GRIA1: variants seen among roughly 807,000 people sequenced by gnomAD.
GRIA1 encodes the protein glutamate receptor 1.
A neutral mutation model predicts 99.2 loss-of-function variants in GRIA1; 31 were observed. The observed-to-expected ratio is 0.31, with a 90% CI of 0.23 to 0.42. The LOEUF (loss-of-function observed/expected upper bound fraction) is 0.42, where lower values mean the gene tolerates loss of function less well. Ranked by LOEUF, GRIA1 falls within the 10% of genes least tolerant of loss-of-function variation. The pLI, the probability that GRIA1 is intolerant of heterozygous loss-of-function variation, is 1.00. For synonymous variants in GRIA1, 438 were observed against 432.4 expected (o/e 1.01, Z -0.16); for missense variants, 782 against 1,157.5 (o/e 0.68, Z 4.71).
chr5:153,607,786 A>G (rs947118501), intron 2 of GRIA1, among the ~76,000 whole-genome samples: 1 of 152,106 alleles, frequency 6.6e-6, no homozygotes, highest in African/African-American at 2.4e-5. Context: ...ACAGTCGACA[A>G]TATGGTATTA....
Position 153,699,124 on chromosome 5 carries a change from C to A in GRIA1, c.1452+51C>A, listed in dbSNP as rs1463285726. Reference sequence around the variant, plus strand: ...TAGAGGGCGGAGGCAGAGGGTTTGACAGGAAATCATTTGGTGGTTGGGTGG... The same window carrying A: ...TAGAGGGCGGAGGCAGAGGGTTTGAAAGGAAATCATTTGGTGGTTGGGTGG... On this transcript the variant is annotated intron_variant, in intron 10 of 15. Coordinates refer to ENST00000285900, the MANE Select transcript of GRIA1 (RefSeq NM_000827.4). The A allele has an allele frequency of 1.0e-5, 14 of 1,333,376 alleles. No homozygotes were observed. In the Admixed American group the frequency reaches 2.3e-4, roughly 22 times the overall value. 82.6% of individuals were successfully genotyped at this position (1,333,376 alleles called of 1,614,324 possible).
At chr5:153,678,082 A>G (rs1463883996) in intron 7 of GRIA1, among the ~76,000 whole-genome samples, 2 of 152,232 alleles carry the variant, frequency 1.3e-5, no homozygotes, top group African/African-American at 2.4e-5. Flanking sequence ...TATTTGGCAC[A>G]AATGTCCCTC....
At chr5:153,736,271 G>A (rs960984765) in intron 11 of GRIA1, among the ~76,000 whole-genome samples, 1 of 152,198 alleles carries the variant, frequency 6.6e-6, no homozygotes, top group Non-Finnish European at 1.5e-5. Flanking sequence ...AAGGAGTTAC[G>A]TAATTCTTTC....
chr5:153,528,252 C>A (rs1757788710), intron 2 of GRIA1, among the ~76,000 whole-genome samples: 1 of 152,004 alleles, frequency 6.6e-6, no homozygotes, highest in East Asian at 1.9e-4. Flanking sequence ...TTTAAATTTT[C>A]TTTTTATTAT....
chr5:153,650,342 T>C lies in GRIA1; in HGVS notation c.473T>C (p.Leu158Pro). Residue 158 changes from leucine (L) to proline (P), a missense_variant, in exon 4 of 16, where the codon CTG becomes CCG. By Grantham distance (98) the Leu-to-Pro change is moderately conservative. This residue lies in a region of GRIA1 where 461 missense variants were observed against 521.7 expected (regional missense o/e 0.88). Coordinates refer to ENST00000285900, the MANE Select transcript of GRIA1 (RefSeq NM_000827.4). ...IYDADRGLSVLQKVLDTAAEK... is the reference protein window; with the variant it reads ...IYDADRGLSVPQKVLDTAAEK... ...ATCTGAACTTTAGGCTTATCCGTCC[T>C]GCAGAAAGTCCTGGATACAGCTGCT... 1 of 1,613,794 alleles carries C rather than the reference T, an allele frequency of 6.2e-7. No homozygotes were observed. Among genetic ancestry groups the C allele is most frequent in the Non-Finnish European group, 8.5e-7 (1 of 1,179,810 alleles).
rs1753171110 is a variant in GRIA1 at position 153,634,086 on chromosome 5, G to A, written c.221-12842G>A. On this transcript the variant is annotated intron_variant, in intron 2 of 15. Transcript: ENST00000285900. Reference sequence around the variant, plus strand: ...AATCCCAGCATTTTGGGAGGCCGAGGCGGGTGGATCACAAGGTCAGGACAT... The same window carrying A: ...AATCCCAGCATTTTGGGAGGCCGAGACGGGTGGATCACAAGGTCAGGACAT... 3.3e-5 allele frequency among the ~76,000 whole-genome samples: 5 copies of A among 152,240 alleles called. No individual in the cohort carries two copies. In the South Asian group the frequency reaches 1.0e-3, roughly 32 times the overall value.
intron 2 of GRIA1, among the ~76,000 whole-genome samples, chr5:153,586,972 G>C (rs10515694): frequency 0.016 from 2,494 of 152,222 alleles, 30 homozygotes; most frequent in Middle Eastern, 0.065. Flanking sequence ...CTGATGAAGG[G>C]CTTTTTTAAG....
chr5:153,586,090 A>C (rs1763461769), intron 2 of GRIA1, among the ~76,000 whole-genome samples: 1 of 152,150 alleles, frequency 6.6e-6, no homozygotes, highest in African/African-American at 2.4e-5. Context: ...TTGGGAAGAG[A>C]TATACACAGT....
At chr5:153,690,398 G>A (rs144517970) in intron 8 of GRIA1, among the ~76,000 whole-genome samples, 11 of 152,250 alleles carry the variant, frequency 7.2e-5, no homozygotes, top group African/African-American at 1.9e-4. Flanking sequence ...ACATGACCTT[G>A]AACACATTAT....
At chr5:153,538,596 G>T (rs1239696160) in intron 2 of GRIA1, among the ~76,000 whole-genome samples, 1 of 152,122 alleles carries the variant, frequency 6.6e-6, no homozygotes, top group Non-Finnish European at 1.5e-5. Context: ...ACAGCTAAAT[G>T]CTAGGAATCC....
At chr5:153,503,655 C>G (rs1755217908) in intron 2 of GRIA1, among the ~76,000 whole-genome samples, 1 of 152,160 alleles carries the variant, frequency 6.6e-6, no homozygotes, top group Non-Finnish European at 1.5e-5. Context: ...TATGCTAAGT[C>G]TGAAAGCATT....
intron 5 of GRIA1, among the ~76,000 whole-genome samples, chr5:153,661,104 A>G (rs1311825938): frequency 6.6e-6 from 1 of 152,162 alleles, no homozygotes; most frequent in Non-Finnish European, 1.5e-5. Flanking sequence ...ACTGTTCTTT[A>G]GTCTCCTTGC....
intron 2 of GRIA1, among the ~76,000 whole-genome samples, chr5:153,518,826 G>A (rs1372073371): frequency 6.6e-6 from 1 of 152,140 alleles, no homozygotes; most frequent in Non-Finnish European, 1.5e-5. Context: ...CTGGGCCATG[G>A]GGACAGTTAG....
intron 2 of GRIA1, among the ~76,000 whole-genome samples, chr5:153,621,163 A>G (rs1257365830): frequency 6.6e-6 from 1 of 152,230 alleles, no homozygotes; most frequent in Non-Finnish European, 1.5e-5. Context: ...TTTAGAGAAG[A>G]GGCTAAAGCT....
At chr5:153,624,682 T>C (rs1041395605) in intron 2 of GRIA1, among the ~76,000 whole-genome samples, 5 of 152,176 alleles carry the variant, frequency 3.3e-5, no homozygotes, top group Admixed American at 1.3e-4. Context: ...AAAAAATTGA[T>C]AGTATTCTGT....
chr5:153,732,240 C>T (rs1761086269), intron 11 of GRIA1, among the ~76,000 whole-genome samples: 1 of 149,684 alleles, frequency 6.7e-6, no homozygotes, highest in African/African-American at 2.5e-5. Context: ...GGATATGTAC[C>T]CAGAAGTGGG....
chr5:153,746,827 T>C (rs1288135139), intron 11 of GRIA1, among the ~76,000 whole-genome samples: 2 of 152,170 alleles, frequency 1.3e-5, no homozygotes, highest in Admixed American at 1.3e-4. Flanking sequence ...TTGCCAAATA[T>C]TCTTTTGTGT....
At chr5:153,759,998 C>A (rs928834324) in intron 11 of GRIA1, among the ~76,000 whole-genome samples, 2 of 151,914 alleles carry the variant, frequency 1.3e-5, no homozygotes, top group Non-Finnish European at 2.9e-5. Flanking sequence ...ATTCAGCAAC[C>A]TTTTATGACG....
chr5:153,578,148 C>CAAAAAAAA (rs60901793), intron 2 of GRIA1, among the ~76,000 whole-genome samples: 81 of 69,260 alleles, frequency 1.2e-3, no homozygotes, highest in East Asian at 1.9e-3. Context: ...GAGACTCTGT[C>CAAAAAAAA]AAAAAAAAAA....
Sources: gnomAD v4.1 joint callset for allele counts (sites outside exome capture counted in the v4.1 genomes callset) on GRCh38, gnomAD v4.1.1 for gene constraint, gnomAD v4.1.1 regional missense constraint, MANE v1.5 for transcripts, NCBI Gene and HGNC (gene_info 2026-07-23, HGNC 2026-07-21) for gene names.